Variants in CCDC152 observed in about 807,000 individuals in gnomAD.
CCDC152 encodes the protein coiled-coil domain-containing protein 152.
A neutral mutation model predicts 38.1 loss-of-function variants in CCDC152; 37 were observed. That is an observed-to-expected ratio of 0.97 (90% CI 0.75 to 1.28). CCDC152 has a LOEUF of 1.28. Ranked by LOEUF, CCDC152 falls within the 50% of genes most tolerant of loss-of-function variation. The pLI, the probability that CCDC152 is intolerant of heterozygous loss-of-function variation, is 0.00. For synonymous variants in CCDC152, 83 were observed against 87.1 expected, an observed-to-expected ratio of 0.95 and a Z score of 0.26; for missense variants, 259 against 292.1, an observed-to-expected ratio of 0.89 and a Z score of 0.83.
intron 6 of CCDC152, among the ~76,000 whole-genome samples, chr5:42,789,027 C>T (rs1026688104): frequency 1.2e-4 from 18 of 152,242 alleles, no homozygotes; most frequent in Admixed American, 6.5e-4. Flanking sequence ...CTGAGGCATA[C>T]GCAGGCATGC....
At chr5:42,767,973 C>T (rs1256959642) in intron 3 of CCDC152, among the ~76,000 whole-genome samples, 1 of 152,046 alleles carries the variant, frequency 6.6e-6, no homozygotes. Context: ...TGGGAAATAG[C>T]AGGATAGAGA....
intron 4 of CCDC152, among the ~76,000 whole-genome samples, chr5:42,777,467 T>TA (rs35424997): frequency 0.25 from 33,335 of 134,588 alleles, 4,117 homozygotes; most frequent in East Asian, 0.49. Context: ...CATCTCAATA[T>TA]AAAAAAAAAA....
intron 3 of CCDC152, among the ~76,000 whole-genome samples, chr5:42,768,779 T>G (rs778227248): frequency 6.6e-6 from 1 of 152,226 alleles, no homozygotes; most frequent in Non-Finnish European, 1.5e-5. Flanking sequence ...CCTTAGGATG[T>G]TCTTTCCTGG....
intron 5 of CCDC152, among the ~76,000 whole-genome samples, chr5:42,781,555 G>GCACACA (rs767352552): frequency 4.0e-5 from 5 of 123,546 alleles, no homozygotes; most frequent in Non-Finnish European, 7.4e-5. Context: ...GCGCGCGCGC[G>GCACACA]CACACACACA....
At chr5:42,797,743 T>G (rs1436144189) in intron 7 of CCDC152, among the ~76,000 whole-genome samples, 1 of 152,150 alleles carries the variant, frequency 6.6e-6, no homozygotes, top group African/African-American at 2.4e-5. Flanking sequence ...CCTAATAACT[T>G]TCTGGAAGAA....
At position 42,802,394 on chromosome 5, in the gene CCDC152, A is replaced by G. The variant is rs1760227394; in HGVS notation, c.*2613A>G. On this transcript the variant is annotated 3_prime_UTR_variant, in exon 9 of 9. Coordinates refer to ENST00000361970, the MANE Select transcript of CCDC152 (RefSeq NM_001134848.2). Reference sequence around the variant, plus strand: ...AAGTGATATGCTTTTGATGTTTTGAAGGTTTTAAAAGGTTATAAATTCCAT... The same window carrying G: ...AAGTGATATGCTTTTGATGTTTTGAGGGTTTTAAAAGGTTATAAATTCCAT... The G allele has an allele frequency of 6.6e-6, 1 of 152,228 alleles. No homozygotes were observed. 9.4% of individuals were successfully genotyped at this position (152,228 alleles called of 1,614,324 possible). A position where few individuals can be genotyped will look rare whatever the true frequency, so the allele number is the denominator to read the frequency against.
rs1047585289 is a variant in CCDC152 at position 42,799,425 on chromosome 5, T to A, written c.609T>A (p.Asp203Glu). ...RVQTKSKSYQDSTVLPQSIYR... is the reference protein window; with the variant it reads ...RVQTKSKSYQESTVLPQSIYR... ...AGACTAAATCAAAATCATATCAGGA[T>A]TCTACTGTTTTGCCACAAAGTATCT... Residue 203 changes from aspartate to glutamate, a missense_variant, in exon 8 of 9, where the codon GAT becomes GAA. By Grantham distance (45) the Asp-to-Glu change is conservative (BLOSUM62 2). Transcript: ENST00000361970. The A allele has an allele frequency of 2.6e-6, 4 of 1,546,174 alleles. No homozygotes were observed. The highest frequency in any genetic ancestry group is 3.5e-6 in the Non-Finnish European group (4 of 1,144,276).
chr5:42,796,772 CTT>C (rs3866437), intron 6 of CCDC152, 55 bp from the exon 7 acceptor site: 26,964 of 1,142,088 alleles, frequency 0.024, 1,293 homozygotes, highest in South Asian at 0.17. Context: ...GAAATACAAA[CTT>C]ATAATAATTT....
intron 3 of CCDC152, among the ~76,000 whole-genome samples, chr5:42,767,847 G>A (rs1759646447): frequency 6.6e-6 from 1 of 152,198 alleles, no homozygotes; most frequent in African/African-American, 2.4e-5. Flanking sequence ...ACAAGTGATG[G>A]CAGAGTCTGT....
At chr5:42,775,129 A>T (rs1357424072) in intron 4 of CCDC152, among the ~76,000 whole-genome samples, 6 of 152,068 alleles carry the variant, frequency 3.9e-5, no homozygotes, top group African/African-American at 1.4e-4. Flanking sequence ...AAGAAAAATA[A>T]AGAAAGAAAG....
At chr5:42,770,563 G>A (rs76014428) in intron 4 of CCDC152, among the ~76,000 whole-genome samples, 9,213 of 152,038 alleles carry the variant, frequency 0.061, 387 homozygotes, top group Non-Finnish European at 0.086. Flanking sequence ...TTTGAAATTA[G>A]GTAGTGCAGT....
intron 3 of CCDC152, among the ~76,000 whole-genome samples, chr5:42,765,750 C>A: frequency 6.6e-6 from 1 of 152,178 alleles, no homozygotes; most frequent in East Asian, 1.9e-4. Flanking sequence ...TCACCATATA[C>A]AAAAATAAAA....
At chr5:42,796,184 A>G (rs1437570728) in intron 6 of CCDC152, among the ~76,000 whole-genome samples, 2 of 151,960 alleles carry the variant, frequency 1.3e-5, no homozygotes, top group African/African-American at 4.8e-5. Context: ...TGGCACATGT[A>G]TACATATGTA....
At chr5:42,797,169 A>G (rs935935894) in intron 7 of CCDC152, among the ~76,000 whole-genome samples, 1 of 152,210 alleles carries the variant, frequency 6.6e-6, no homozygotes, top group Non-Finnish European at 1.5e-5. Flanking sequence ...CTGAAAGTGG[A>G]CCCTTGAGTT....
Position 42,779,443 on chromosome 5 carries a change from A to G in CCDC152, c.263-15A>G, listed in dbSNP as rs1048015516. The G allele has an allele frequency of 5.1e-6, 7 of 1,382,976 alleles. No homozygotes were observed. Among genetic ancestry groups the G allele is most frequent in the Non-Finnish European group, 7.0e-6 (7 of 1,000,136 alleles). The allele number at this position is 1,382,976 out of a possible 1,614,324, so 85.7% of individuals were successfully genotyped here. Reference sequence around the variant, plus strand: ...GTGCTATATATTATGATGTTCTTTGATTATTCTTACACAGGTGAAAATGAA... The same window carrying G: ...GTGCTATATATTATGATGTTCTTTGGTTATTCTTACACAGGTGAAAATGAA... On this transcript the variant is annotated splice_polypyrimidine_tract_variant and intron_variant, in intron 4 of 8. Coordinates refer to ENST00000361970, the MANE Select transcript of CCDC152 (RefSeq NM_001134848.2).
chr5:42,793,055 A>C (rs1249764295), intron 6 of CCDC152, among the ~76,000 whole-genome samples: 3 of 152,250 alleles, frequency 2.0e-5, no homozygotes, highest in Non-Finnish European at 2.9e-5. Context: ...TAGCAAATCC[A>C]TTAACATAAA....
intron 6 of CCDC152, among the ~76,000 whole-genome samples, chr5:42,785,491 A>T (rs1759906220): frequency 6.6e-6 from 1 of 151,522 alleles, no homozygotes; most frequent in Non-Finnish European, 1.5e-5. Flanking sequence ...GTCTAGGGGG[A>T]ATCTTTAGGG....
chr5:42,760,628 A>G (rs1370994787), intron 2 of CCDC152, among the ~76,000 whole-genome samples: 1 of 152,192 alleles, frequency 6.6e-6, no homozygotes, highest in African/African-American at 2.4e-5. Context: ...CAAGAGTGGG[A>G]GGGAGGCTAA....
Position 42,761,125 on chromosome 5 carries a change from G to T in CCDC152, c.88-1318G>T, listed in dbSNP as rs564259838. 2.2e-4 allele frequency among the ~76,000 whole-genome samples: 34 copies of T among 152,244 alleles called. 1 individual carries two copies. The South Asian group carries it at 6.8e-3, about 31-fold the overall frequency. The stretch of plus-strand genomic sequence containing the variant: ...ATACAGATGATATAAGACTGTTCAT[G>T]AGTTGATTTTTGAAGCTATTTGAAG... On this transcript the variant is annotated intron_variant, in intron 2 of 8. Coordinates refer to ENST00000361970, the MANE Select transcript of CCDC152 (RefSeq NM_001134848.2).
Sources: gnomAD v4.1 joint callset for allele counts (sites outside exome capture counted in the v4.1 genomes callset) on GRCh38, gnomAD v4.1.1 for gene constraint, MANE v1.5 for transcripts, NCBI Gene and HGNC (gene_info 2026-07-23, HGNC 2026-07-21) for gene names.